The following TMEM260 variants were observed in gnomAD, a reference collection of about 807,000 sequenced individuals.
The protein encoded by TMEM260 is transmembrane protein 260.
TMEM260 carries 82 observed loss-of-function variants against 88.9 expected under a neutral mutation model. The observed-to-expected ratio is 0.92, with a 90% CI of 0.77 to 1.11. The LOEUF is 1.11. TMEM260 is among the 50% of genes least tolerant of loss of function. The probability of loss-of-function intolerance (pLI) is 0.00; values close to 1 mark genes in which losing one functional copy is unlikely to be tolerated. For missense variants in TMEM260, 902 were observed against 853.4 expected (o/e 1.06, Z -0.71); for synonymous variants, 314 against 309.3 (o/e 1.02, Z -0.16).
chr14:56,645,488 T>A (rs1450638285), intron 15 of TMEM260, among the ~76,000 whole-genome samples: 3 of 132,460 alleles, frequency 2.3e-5, no homozygotes, highest in Admixed American at 8.6e-5. Flanking sequence ...CTCGGGGGAC[T>A]GTTGTGGGGT....
intron 5 of TMEM260, among the ~76,000 whole-genome samples, chr14:56,607,804 AT>A (rs1455952292): frequency 3.9e-5 from 6 of 152,148 alleles, no homozygotes; most frequent in Admixed American, 2.0e-4. Context: ...AGACATCAGT[AT>A]TTTTAAGAAG....
At chr14:56,603,072 A>G (rs1886674127) in intron 3 of TMEM260, among the ~76,000 whole-genome samples, 1 of 152,152 alleles carries the variant, frequency 6.6e-6, no homozygotes, top group African/African-American at 2.4e-5. Flanking sequence ...CCAGTCTCAA[A>G]ACAAATCTCT....
chr14:56,600,563 A>G (rs1488089634), intron 3 of TMEM260, among the ~76,000 whole-genome samples: 1 of 152,208 alleles, frequency 6.6e-6, no homozygotes, highest in Non-Finnish European at 1.5e-5. Context: ...CAAATGGCCA[A>G]TAAACACAGA....
intron 3 of TMEM260, among the ~76,000 whole-genome samples, chr14:56,601,809 G>A (rs1167831849): frequency 1.3e-5 from 2 of 152,020 alleles, no homozygotes; most frequent in Non-Finnish European, 2.9e-5. Flanking sequence ...TGCCCAGTGG[G>A]AGCCTCTTTA....
At position 56,585,246 on chromosome 14, in the gene TMEM260, CTTA is replaced by C. The variant is rs199829723; in HGVS notation, c.192+219_192+221del. On this transcript the variant is annotated intron_variant, in intron 2 of 15. Coordinates refer to ENST00000261556, the MANE Select transcript of TMEM260 (RefSeq NM_017799.4). ...CCTTTACTATATATACAGTAGCTGC[CTTA>C]TTATCACCCCAAATTTTGTATAAGC... is the stretch of plus-strand genomic sequence containing the variant. Among the ~76,000 whole-genome samples the C allele has an allele frequency of 9.7e-3, 1,482 of 152,154 alleles. 7 individuals carry two copies. The highest frequency in any genetic ancestry group is 0.015 in the Non-Finnish European group (1,038 of 67,988).
chr14:56,626,774 A>G (rs2139610574), intron 12 of TMEM260, among the ~76,000 whole-genome samples: 1 of 152,302 alleles, frequency 6.6e-6, no homozygotes, highest in East Asian at 1.9e-4. Context: ...ATATGATGGA[A>G]GTATCGTATG....
At chr14:56,586,819 A>G (rs1289548672) in intron 3 of TMEM260, among the ~76,000 whole-genome samples, 1 of 151,952 alleles carries the variant, frequency 6.6e-6, no homozygotes, top group Non-Finnish European at 1.5e-5. Flanking sequence ...TTCTCTTTTA[A>G]TTATTTATAG....
At chr14:56,653,687 A>G (rs113397170), downstream of TMEM260, among the ~76,000 whole-genome samples, 14 of 138,320 alleles carry the variant, frequency 1.0e-4, no homozygotes, top group African/African-American at 3.7e-4. Flanking sequence ...GTGAGCCGAG[A>G]TCGCGCCACT....
intron 2 of TMEM260, 75 bp downstream of exon 2, chr14:56,585,107 G>T (rs772734242): frequency 7.4e-7 from 1 of 1,342,726 alleles, no homozygotes; most frequent in Non-Finnish European, 1.0e-6. Flanking sequence ...AATTAAGCAT[G>T]GAGTAAAGTA....
At chr14:56,623,428 C>A (rs977395842) in intron 11 of TMEM260, among the ~76,000 whole-genome samples, 2 of 152,084 alleles carry the variant, frequency 1.3e-5, no homozygotes, top group African/African-American at 2.4e-5. Flanking sequence ...ATAACATGTG[C>A]CCCAGAAGCC....
chr14:56,634,685 T>C (rs962881830), intron 13 of TMEM260, among the ~76,000 whole-genome samples: 2 of 151,952 alleles, frequency 1.3e-5, no homozygotes, highest in African/African-American at 4.8e-5. Context: ...CCACGAAAAA[T>C]ACAAAAATGA....
intron 12 of TMEM260, among the ~76,000 whole-genome samples, chr14:56,627,557 G>A (rs1035236393): frequency 6.6e-6 from 1 of 152,042 alleles, no homozygotes; most frequent in Non-Finnish European, 1.5e-5. Flanking sequence ...AGGGTTTTTT[G>A]TGGAGGGGCA....
In TMEM260 at chr14:56,600,779, C is replaced by T. The variant is rs1424079804; in HGVS notation, c.345-3036C>T. ...CGCTTTTGTGTGCAGTACATTAGGA[C>T]ACCAAGGCAAATTCCTGTAGACTTA... On this transcript the variant is annotated intron_variant, in intron 3 of 15. Coordinates refer to ENST00000261556, the MANE Select transcript of TMEM260 (RefSeq NM_017799.4). 2.0e-5 allele frequency among the ~76,000 whole-genome samples: 3 copies of T among 152,178 alleles called. No homozygotes were observed. In the East Asian group the frequency reaches 5.8e-4, roughly 29 times the overall value.
At chr14:56,599,612 G>C (rs1886446356) in intron 3 of TMEM260, among the ~76,000 whole-genome samples, 1 of 152,110 alleles carries the variant, frequency 6.6e-6, no homozygotes, top group Non-Finnish European at 1.5e-5. Context: ...ATTTGTATTA[G>C]CAGAGGAGTC....
At chr14:56,615,305 A>G (rs1440488419) in intron 7 of TMEM260, 1 of 152,202 alleles carries the variant, frequency 6.6e-6, no homozygotes, top group Non-Finnish European at 1.5e-5. Flanking sequence ...AGCAGAAGCT[A>G]TTTTAGAACT....
downstream of TMEM260, among the ~76,000 whole-genome samples, chr14:56,655,344 G>A (rs35528326): frequency 0.36 from 53,935 of 148,834 alleles, 10,121 homozygotes; most frequent in Non-Finnish European, 0.4. Context: ...GAGCTATCAC[G>A]CCACTGCACT....
intron 15 of TMEM260, among the ~76,000 whole-genome samples, chr14:56,643,480 CAAT>C (rs1298556789): frequency 6.6e-6 from 1 of 152,058 alleles, no homozygotes; most frequent in Non-Finnish European, 1.5e-5. Context: ...TAAAAACTCT[CAAT>C]AAATTAGGTA....
Position 56,585,021 on chromosome 14 carries a change from C to T in TMEM260, c.181C>T (p.His61Tyr), listed in dbSNP as rs1885397606. 3.1e-6 allele frequency: 5 copies of T among 1,612,150 alleles called. No homozygotes were observed. In the African/African-American group the frequency reaches 4.0e-5, roughly 13 times the overall value. ...GDSGELITAA[H>Y]ELGVAHPPGY... ...CACAGGGGAACTGATCACAGCCGCA[C>T]ATGAGCTTGGAGTAAGTATTAGTTT... is the stretch of plus-strand genomic sequence containing the variant. The change falls in exon 2 of 16, where the codon CAT becomes TAT. Residue 61 changes from histidine (H) to tyrosine (Y), a missense_variant. His to Tyr is a moderately conservative substitution (Grantham distance 83, BLOSUM62 2). Coordinates refer to ENST00000261556, the MANE Select transcript of TMEM260 (RefSeq NM_017799.4).
chr14:56,592,419 C>T (rs1027504703), intron 3 of TMEM260, among the ~76,000 whole-genome samples: 1 of 152,116 alleles, frequency 6.6e-6, no homozygotes, highest in Non-Finnish European at 1.5e-5. Flanking sequence ...GAGTACCTGG[C>T]ACGTGTTAGA....
Sources: allele counts gnomAD v4.1 joint callset (sites outside exome capture counted in the v4.1 genomes callset), GRCh38; gene constraint gnomAD v4.1.1; transcripts MANE v1.5; gene names NCBI Gene and HGNC (gene_info 2026-07-23, HGNC 2026-07-21).